Variants in IL33 observed in about 807,000 individuals in gnomAD.
IL33 encodes the protein interleukin-33.
In IL33, 37 loss-of-function variants were observed where a neutral mutation model predicts 27.3. The observed-to-expected ratio is 1.36, with a 90% confidence interval of 1.04 to 1.78. The LOEUF (loss-of-function observed/expected upper bound fraction) is 1.78, where lower values mean the gene tolerates loss of function less well. IL33 is among the 40% of genes most tolerant of loss of function. The probability of loss-of-function intolerance (pLI) is 0.00; values close to 1 mark genes in which losing one functional copy is unlikely to be tolerated. For missense variants in IL33, 406 were observed against 311.4 expected, an observed-to-expected ratio of 1.30 and a Z score of -2.29; for synonymous variants, 132 against 102.9, an observed-to-expected ratio of 1.28 and a Z score of -1.71.
At position 6,254,518 on chromosome 9, in the gene IL33, T is replaced by C. The variant is rs1183579135; in HGVS notation, c.577T>C (p.Trp193Arg). 1 of 1,597,422 alleles carries C rather than the reference T, an allele frequency of 6.3e-7. No individual in the cohort carries two copies. ...AACCCTGAGTCCTACAAAAGACTTC[T>C]GGTTGCATGCCAACAACAAGGAACA... is the stretch of plus-strand genomic sequence containing the variant. ...MVTLSPTKDF[W>R]LHANNKEHSV... Residue 193 changes from tryptophan (W) to arginine (R), a missense_variant, in exon 7 of 8, where the codon TGG becomes CGG. Transcript: ENST00000682010.
chr9:6,255,930 C>T, intron 7 of IL33, 38 bp from the exon 8 acceptor site: 1 of 1,544,534 alleles, frequency 6.5e-7, no homozygotes. Flanking sequence ...CTGAACTTCC[C>T]ATTCACATAT....
intron 1 of IL33, 87 bp from the exon 2 acceptor site, chr9:6,241,597 A>T: frequency 1.5e-6 from 1 of 684,676 alleles, no homozygotes; most frequent in Non-Finnish European, 2.5e-6. Flanking sequence ...TGGTTATGTT[A>T]CCAATTTGGT....
intron 1 of IL33, among the ~76,000 whole-genome samples, chr9:6,238,379 CACA>C (rs368706389): frequency 3.1e-4 from 47 of 152,342 alleles, no homozygotes; most frequent in African/African-American, 1.1e-3. Flanking sequence ...GCTGTGTGAG[CACA>C]ACATTTACTC....
chr9:6,250,607 G>A lies in IL33; in HGVS notation c.217+8G>A. The stretch of plus-strand genomic sequence containing the variant: ...GGCCTTCACTGAAAACAGGTAAGGG[G>A]AACCGTACATTCTCTGGCAATAGTG... On this transcript the variant is annotated splice_region_variant and intron_variant, in intron 3 of 7. Coordinates refer to ENST00000682010, the MANE Select transcript of IL33 (RefSeq NM_033439.4). 1 of 1,611,160 alleles carries A rather than the reference G, an allele frequency of 6.2e-7. No homozygotes were observed. Among genetic ancestry groups the A allele is most frequent in the Non-Finnish European group, 8.5e-7 (1 of 1,179,036 alleles).
chr9:6,223,007 G>C (rs1262053532), intron 1 of IL33, among the ~76,000 whole-genome samples: 1 of 152,078 alleles, frequency 6.6e-6, no homozygotes, highest in Non-Finnish European at 1.5e-5. Flanking sequence ...ACAAATACCT[G>C]TGTATTTATC....
chr9:6,252,056 C>CAAAAAA (rs138991546), intron 4 of IL33, among the ~76,000 whole-genome samples: 7 of 114,282 alleles, frequency 6.1e-5, no homozygotes, highest in Admixed American at 3.3e-4. Context: ...AACAAACAAA[C>CAAAAAA]AAAAAAAAAC....
At chr9:6,231,750 A>G (rs1272239243) in intron 1 of IL33, among the ~76,000 whole-genome samples, 1 of 152,190 alleles carries the variant, frequency 6.6e-6, no homozygotes, top group African/African-American at 2.4e-5. Flanking sequence ...ATGCTGTAGT[A>G]CAAGCAAATG....
intron 1 of IL33, among the ~76,000 whole-genome samples, chr9:6,216,207 T>G (rs1021946477): frequency 6.6e-6 from 1 of 152,168 alleles, no homozygotes; most frequent in African/African-American, 2.4e-5. Flanking sequence ...CCTAGCTCAC[T>G]GCAGCCTCCA....
intron 1 of IL33, among the ~76,000 whole-genome samples, chr9:6,233,632 T>C (rs1270568677): frequency 6.6e-6 from 1 of 152,162 alleles, no homozygotes; most frequent in African/African-American, 2.4e-5. Flanking sequence ...TGAAAATATA[T>C]CTTCTCATTT....
In IL33 at chr9:6,257,047, C is replaced by A. The variant is rs1816777429; in HGVS notation, c.*879C>A. The A allele has an allele frequency of 6.6e-6, 1 of 151,698 alleles. No individual in the cohort carries two copies. Among genetic ancestry groups the A allele is most frequent in the Admixed American group, 6.6e-5 (1 of 15,206 alleles). 9.4% of individuals were successfully genotyped at this position (151,698 alleles called of 1,614,324 possible). ...TTAGAGCATCCAAGTACCATATAAT[C>A]CAACTATCATGGTAAGGCCAGAAAT... On this transcript the variant is annotated 3_prime_UTR_variant, in exon 8 of 8. Coordinates refer to ENST00000682010, the MANE Select transcript of IL33 (RefSeq NM_033439.4).
intron 3 of IL33, 115 bp downstream of exon 3, chr9:6,250,714 T>C: frequency 8.1e-7 from 1 of 1,232,970 alleles, no homozygotes; most frequent in Non-Finnish European, 1.1e-6. Flanking sequence ...TGGAAAATAT[T>C]AAGAATGATG....
At chr9:6,246,336 G>C (rs1052793029) in intron 2 of IL33, among the ~76,000 whole-genome samples, 1 of 152,004 alleles carries the variant, frequency 6.6e-6, no homozygotes, top group Non-Finnish European at 1.5e-5. Context: ...GGCCAAGGTG[G>C]GTGGATCACG....
rs1196454901 is a variant in IL33, at chr9:6,256,627, A to T, written c.*459A>T. ...CACTAGAGCTGCTAGTAAAAAGAAG[A>T]CCAGATGCTTCACAGAATTATCATT... On this transcript the variant is annotated 3_prime_UTR_variant, in exon 8 of 8. Transcript: ENST00000682010. 5 of 283,830 alleles carry T rather than the reference A, an allele frequency of 1.8e-5. No individual in the cohort carries two copies. Among genetic ancestry groups the T allele is most frequent in the Non-Finnish European group, 2.6e-5 (4 of 154,046 alleles). 17.6% of individuals were successfully genotyped at this position (283,830 alleles called of 1,614,324 possible).
intron 1 of IL33, among the ~76,000 whole-genome samples, chr9:6,220,654 T>C (rs1318120044): frequency 1.3e-5 from 2 of 152,218 alleles, no homozygotes; most frequent in Non-Finnish European, 2.9e-5. Flanking sequence ...TTATCTCTTA[T>C]ACATATATAT....
intron 2 of IL33, among the ~76,000 whole-genome samples, chr9:6,248,732 G>A (rs1020834944): frequency 4.0e-5 from 6 of 151,662 alleles, no homozygotes; most frequent in Non-Finnish European, 7.4e-5. Context: ...AGGCCACCAT[G>A]CCCAGCTACT....
At chr9:6,239,683 T>C (rs1273495910) in intron 1 of IL33, among the ~76,000 whole-genome samples, 2 of 152,118 alleles carry the variant, frequency 1.3e-5, no homozygotes, top group African/African-American at 4.8e-5. Flanking sequence ...GTGTCCACCT[T>C]CCTTGATTTC....
intron 1 of IL33, among the ~76,000 whole-genome samples, chr9:6,225,793 G>A (rs1256964977): frequency 1.3e-5 from 2 of 151,880 alleles, no homozygotes; most frequent in African/African-American, 2.4e-5. Context: ...TGTGATCACA[G>A]CTAACTATAG....
intron 1 of IL33, among the ~76,000 whole-genome samples, chr9:6,221,715 T>C (rs1818418714): frequency 6.6e-6 from 1 of 152,178 alleles, no homozygotes; most frequent in Non-Finnish European, 1.5e-5. Context: ...CAGCAACTAG[T>C]AACCTCTAGA....
At chr9:6,236,889 T>C (rs1487396792) in intron 1 of IL33, among the ~76,000 whole-genome samples, 10 of 151,968 alleles carry the variant, frequency 6.6e-5, no homozygotes, top group Admixed American at 6.6e-5. Flanking sequence ...AATAAATAAA[T>C]AAAATGAAAG....
Sources: allele counts gnomAD v4.1 joint callset (sites outside exome capture counted in the v4.1 genomes callset), GRCh38; gene constraint gnomAD v4.1.1; transcripts MANE v1.5; gene names NCBI Gene and HGNC (gene_info 2026-07-23, HGNC 2026-07-21).